IMMP2L: variants seen among roughly 807,000 people sequenced by gnomAD.
IMMP2L encodes the protein inner mitochondrial membrane peptidase subunit 2.
IMMP2L carries 18 observed loss-of-function variants against 19.3 expected under a neutral mutation model. The ratio of observed to expected loss-of-function variants is 0.93; its 90% CI spans 0.64 to 1.38. The LOEUF (loss-of-function observed/expected upper bound fraction) is 1.38, where lower values mean the gene tolerates loss of function less well. Ranked by LOEUF, IMMP2L falls within the 40% of genes most tolerant of loss-of-function variation. The pLI, the probability that IMMP2L is intolerant of heterozygous loss-of-function variation, is 0.00. For synonymous variants in IMMP2L, 76 were observed against 73.0 expected (o/e 1.04, Z -0.21); for missense variants, 233 against 218.2 (o/e 1.07, Z -0.43).
At chr7:110,702,736 AAATT>A (rs1332449624) in intron 5 of IMMP2L, among the ~76,000 whole-genome samples, 1 of 152,204 alleles carries the variant, frequency 6.6e-6, no homozygotes, top group East Asian at 1.9e-4. Flanking sequence ...ATAGAGAAAC[AAATT>A]AATTTTTTTG....
At chr7:111,484,326 A>G (rs1842440401) in intron 3 of IMMP2L, among the ~76,000 whole-genome samples, 1 of 152,168 alleles carries the variant, frequency 6.6e-6, no homozygotes, top group Non-Finnish European at 1.5e-5. Context: ...GGAAACTGCA[A>G]ATTTTCCAGA....
chr7:110,781,978 C>T (rs1799776106), intron 5 of IMMP2L, among the ~76,000 whole-genome samples: 1 of 151,818 alleles, frequency 6.6e-6, no homozygotes, highest in Non-Finnish European at 1.5e-5. Context: ...AAGCCTTTCC[C>T]TTTGAATATG....
chr7:111,321,762 T>C (rs1005892807), intron 3 of IMMP2L, among the ~76,000 whole-genome samples: 3 of 151,826 alleles, frequency 2.0e-5, no homozygotes, highest in African/African-American at 7.3e-5. Flanking sequence ...AAGTCCAAAA[T>C]GAAAGAAAAA....
intron 3 of IMMP2L, among the ~76,000 whole-genome samples, chr7:110,993,543 C>G (rs146548828): frequency 6.6e-6 from 1 of 151,912 alleles, no homozygotes; most frequent in Non-Finnish European, 1.5e-5. Context: ...CAAAGCCAAT[C>G]CTTCTCTCTC....
chr7:111,124,647 T>C, intron 3 of IMMP2L: 1 of 1,612,950 alleles, frequency 6.2e-7, no homozygotes. Flanking sequence ...AAAAGAATAA[T>C]ACCACAACAC....
intron 3 of IMMP2L, among the ~76,000 whole-genome samples, chr7:111,303,824 C>T (rs1822532177): frequency 6.6e-6 from 1 of 151,914 alleles, no homozygotes; most frequent in South Asian, 2.1e-4. Context: ...GGTGAGACCT[C>T]ATCATTTAAT....
chr7:111,200,543 C>A (rs1809987889), intron 3 of IMMP2L, among the ~76,000 whole-genome samples: 1 of 151,924 alleles, frequency 6.6e-6, no homozygotes, highest in Non-Finnish European at 1.5e-5. Flanking sequence ...ATTTTGGAAG[C>A]TTACATTTAA....
rs1241644943 is a variant in IMMP2L at position 111,438,930 on chromosome 7, G to A, written c.239+48308C>T. 2.6e-5 allele frequency among the ~76,000 whole-genome samples: 4 copies of A among 151,784 alleles called. No homozygotes were observed. In the East Asian group the frequency reaches 7.7e-4, roughly 29 times the overall value. Reference sequence around the variant, plus strand: ...ACAAAGTTTTGTCTACTATGTGCTGGACACTAATAGGATAAAAATGACTAG... The same window carrying A: ...ACAAAGTTTTGTCTACTATGTGCTGAACACTAATAGGATAAAAATGACTAG... On this transcript the variant is annotated intron_variant, in intron 3 of 5. Coordinates refer to ENST00000405709, the MANE Select transcript of IMMP2L (RefSeq NM_032549.4).
chr7:111,025,280 T>A (rs2129567682), intron 3 of IMMP2L, among the ~76,000 whole-genome samples: 1 of 152,304 alleles, frequency 6.6e-6, no homozygotes, highest in African/African-American at 2.4e-5. Flanking sequence ...AAGATGTGGT[T>A]AGCCATGTCA....
chr7:111,157,517 T>TA (rs952698285), intron 3 of IMMP2L, among the ~76,000 whole-genome samples: 76 of 152,092 alleles, frequency 5.0e-4, no homozygotes, highest in African/African-American at 1.7e-3. Flanking sequence ...TTGTGAGAAC[T>TA]AAAAAAACAA....
intron 3 of IMMP2L, among the ~76,000 whole-genome samples, chr7:111,146,155 T>C (rs1347465919): frequency 6.6e-6 from 1 of 151,204 alleles, no homozygotes; most frequent in Non-Finnish European, 1.5e-5. Flanking sequence ...CAAATGCTAA[T>C]TAAAAACTTA....
chr7:111,438,012 T>A (rs1306590584), intron 3 of IMMP2L, among the ~76,000 whole-genome samples: 3 of 151,856 alleles, frequency 2.0e-5, no homozygotes, highest in Non-Finnish European at 4.4e-5. Flanking sequence ...TCCTCAACAT[T>A]TTCAATTCCT....
At chr7:110,871,880 A>G (rs1039147788) in intron 5 of IMMP2L, among the ~76,000 whole-genome samples, 3 of 152,160 alleles carry the variant, frequency 2.0e-5, no homozygotes, top group Non-Finnish European at 4.4e-5. Flanking sequence ...GCACAGGATA[A>G]CCTATTTATT....
At chr7:111,401,482 T>C (rs1833415466) in intron 3 of IMMP2L, among the ~76,000 whole-genome samples, 1 of 152,120 alleles carries the variant, frequency 6.6e-6, no homozygotes. Context: ...TATAGATAAG[T>C]AGGATTAAAA....
intron 3 of IMMP2L, among the ~76,000 whole-genome samples, chr7:111,077,188 G>C (rs1586117299): frequency 1.3e-5 from 2 of 152,220 alleles, no homozygotes; most frequent in East Asian, 1.9e-4. Context: ...GGAATTTCTT[G>C]TTACAAATCT....
At chr7:110,882,331 T>TC (rs1554445734) in intron 5 of IMMP2L, among the ~76,000 whole-genome samples, 88 of 144,054 alleles carry the variant, frequency 6.1e-4, no homozygotes, top group Admixed American at 3.1e-3. Flanking sequence ...CTTCCTTCCT[T>TC]CCTTCCTTCC....
At chr7:111,182,183 T>C (rs551416811) in intron 3 of IMMP2L, among the ~76,000 whole-genome samples, 17 of 152,094 alleles carry the variant, frequency 1.1e-4, no homozygotes, top group Non-Finnish European at 1.6e-4. Flanking sequence ...TAACTGTCCA[T>C]CACTTTAACA....
At chr7:110,823,506 C>T (rs894332721) in intron 5 of IMMP2L, among the ~76,000 whole-genome samples, 1 of 151,900 alleles carries the variant, frequency 6.6e-6, no homozygotes. Flanking sequence ...CATCATTTAT[C>T]TGACAGGAAA....
intron 1 of IMMP2L, among the ~76,000 whole-genome samples, chr7:111,555,555 T>C (rs1052811864): frequency 1.3e-5 from 2 of 152,112 alleles, no homozygotes; most frequent in Non-Finnish European, 2.9e-5. Flanking sequence ...AGACATGTTG[T>C]TTCTCTCTCA....
Sources: allele counts gnomAD v4.1 joint callset (sites outside exome capture counted in the v4.1 genomes callset), GRCh38; gene constraint gnomAD v4.1.1; transcripts MANE v1.5; gene names NCBI Gene and HGNC (gene_info 2026-07-23, HGNC 2026-07-21).